Variants in QPCT observed in about 807,000 individuals in gnomAD.
QPCT encodes glutaminyl-peptide cyclotransferase.
Under a neutral mutation model 43.4 loss-of-function variants are expected in QPCT, and 44 were observed. The ratio of observed to expected loss-of-function variants is 1.01; its 90% CI spans 0.80 to 1.30. QPCT has a LOEUF of 1.30. QPCT is among the 50% of genes most tolerant of loss of function. The pLI, the probability that QPCT is intolerant of heterozygous loss-of-function variation, is 0.00. For missense variants in QPCT, 526 were observed against 436.5 expected (o/e 1.21, Z -1.83); for synonymous variants, 168 against 168.4 (o/e 1.00, Z 0.02).
At chr2:37,363,492 A>G (rs1672895401) in intron 3 of QPCT, among the ~76,000 whole-genome samples, 1 of 149,558 alleles carries the variant, frequency 6.7e-6, no homozygotes, top group African/African-American at 2.5e-5. Flanking sequence ...TTAGCTGGTT[A>G]TGGTGGTACA....
At chr2:37,349,507 A>G (rs1672575045) in intron 1 of QPCT, among the ~76,000 whole-genome samples, 1 of 152,166 alleles carries the variant, frequency 6.6e-6, no homozygotes, top group African/African-American at 2.4e-5. Context: ...TTTAAACACA[A>G]GTGATTTCGT....
At position 37,372,919 on chromosome 2, in the gene QPCT, G is replaced by C. The variant is rs1197307250; in HGVS notation, c.*92G>C. ...TAATCTGATTTCAGACAAATGCTGT[G>C]TGGAAACATCTATCCTATAGATCAT... is the stretch of plus-strand genomic sequence containing the variant. On this transcript the variant is annotated 3_prime_UTR_variant, in exon 7 of 7. Transcript: ENST00000338415. 5 of 1,139,052 alleles carry C rather than the reference G, an allele frequency of 4.4e-6. No homozygotes were observed. The East Asian group carries it at 1.3e-4, about 29-fold the overall frequency. The allele number at this position is 1,139,052 out of a possible 1,614,324, so 70.6% of individuals were successfully genotyped here.
intron 1 of QPCT, among the ~76,000 whole-genome samples, chr2:37,348,619 G>T (rs959469871): frequency 1.3e-5 from 2 of 152,136 alleles, no homozygotes; most frequent in African/African-American, 4.8e-5. Flanking sequence ...TGCAAGCTGG[G>T]CCAACTCTAT....
chr2:37,361,513 G>A (rs1193835854), intron 3 of QPCT, among the ~76,000 whole-genome samples: 1 of 152,180 alleles, frequency 6.6e-6, no homozygotes, highest in Non-Finnish European at 1.5e-5. Flanking sequence ...ACAAACAGGG[G>A]CTGGAAGTGT....
chr2:37,367,465 G>C lies in QPCT; in HGVS notation c.723+57G>C, dbSNP rs188364110. On this transcript the variant is annotated intron_variant, in intron 4 of 6. Transcript: ENST00000338415. ...CTGTAGGCTCCGCTTCCAAGGAAAA[G>C]GTTGCAAAAGCCAAGTAAAGACCTA... is the stretch of plus-strand genomic sequence containing the variant. 1.5e-4 allele frequency: 239 copies of C among 1,548,386 alleles called. 1 individual carries two copies. In the African/African-American group the frequency reaches 3.1e-3, roughly 20 times the overall value.
intron 5 of QPCT, among the ~76,000 whole-genome samples, chr2:37,370,890 A>G (rs952446699): frequency 2.0e-5 from 3 of 152,230 alleles, no homozygotes; most frequent in African/African-American, 7.2e-5. Context: ...TCTTTATTGT[A>G]GAATCCAGGC....
At chr2:37,354,910 C>T (rs1672709271) in intron 2 of QPCT, among the ~76,000 whole-genome samples, 1 of 152,082 alleles carries the variant, frequency 6.6e-6, no homozygotes, top group African/African-American at 2.4e-5. Flanking sequence ...TCTTTGCCTG[C>T]AGGCTCTGGA....
rs781473235 is a variant in QPCT at position 37,367,388 on chromosome 2, A to C, written c.703A>C (p.Thr235Pro). ...STPHPPGARG[T>P]SQLHGMDLLV... ...CCCGCACCCACCTGGAGCGAGAGGC[A>C]CCAGCCAACTGCATGGCATGGTTAG... is the stretch of plus-strand genomic sequence containing the variant. The change falls in exon 4 of 7, where the codon ACC becomes CCC. Residue 235 changes from threonine (T) to proline (P), a missense_variant. By Grantham distance (38) the Thr-to-Pro change is conservative. Transcript: ENST00000338415. The C allele has an allele frequency of 5.6e-6, 9 of 1,613,616 alleles. No homozygotes were observed. The South Asian group carries it at 8.8e-5, about 16-fold the overall frequency.
At position 37,372,814 on chromosome 2, in the gene QPCT, A is replaced by G. The variant is rs1385472674; in HGVS notation, c.1073A>G (p.Tyr358Cys). 3 of 1,609,824 alleles carry G rather than the reference A, an allele frequency of 1.9e-6. No individual in the cohort carries two copies. The highest frequency in any genetic ancestry group is 2.5e-6 in the Non-Finnish European group (3 of 1,177,722). Residue 358 changes from tyrosine (Y) to cysteine (C), a missense_variant, in exon 7 of 7, where the codon TAT (tyrosine) becomes TGT (cysteine). By Grantham distance (194) the Tyr-to-Cys change is radical. Transcript: ENST00000338415. ...ATCCTACAAGTCTTTGTGTTGGAATATCTTCATTTGTAATACTCTGATTTA... is the reference window on the plus strand; with the variant it reads ...ATCCTACAAGTCTTTGTGTTGGAATGTCTTCATTTGTAATACTCTGATTTA... ...NKILQVFVLEYLHL is the reference protein window; with the variant it reads ...NKILQVFVLECLHL
chr2:37,371,159 T>C (rs190938941), intron 5 of QPCT, among the ~76,000 whole-genome samples: 171 of 152,240 alleles, frequency 1.1e-3, no homozygotes, highest in Admixed American at 2.7e-3. Context: ...TATAAACTTC[T>C]TGGGCTTCTT....
intron 1 of QPCT, among the ~76,000 whole-genome samples, chr2:37,347,181 C>CATAT (rs1183593319): frequency 2.7e-5 from 1 of 36,784 alleles, no homozygotes; most frequent in Non-Finnish European, 4.2e-5. Flanking sequence ...ATATATATAA[C>CATAT]ATATATATAT....
At chr2:37,367,093 A>C in intron 3 of QPCT, 139 bp from the exon 4 acceptor site, 1 of 898,338 alleles carries the variant, frequency 1.1e-6, no homozygotes, top group Non-Finnish European at 1.7e-6. Flanking sequence ...TGTGGAATAA[A>C]TTTTGCCATA....
intron 1 of QPCT, among the ~76,000 whole-genome samples, chr2:37,347,152 A>ATATATATATATATATATATATATATAT (rs1672506524): frequency 1.4e-5 from 1 of 70,830 alleles, no homozygotes; most frequent in East Asian, 1.7e-3. Context: ...TTTTATATAT[A>ATATATATATATATATATATATATATAT]TATATATATA....
chr2:37,351,631 C>T (rs1672627880), intron 1 of QPCT, among the ~76,000 whole-genome samples: 1 of 152,078 alleles, frequency 6.6e-6, no homozygotes, highest in African/African-American at 2.4e-5. Flanking sequence ...CCTGTAATCC[C>T]AGCACTTTGG....
chr2:37,370,280 C>A (rs1053846116), intron 5 of QPCT, among the ~76,000 whole-genome samples: 1 of 151,942 alleles, frequency 6.6e-6, no homozygotes, highest in Admixed American at 6.6e-5. Context: ...GTTTATTATT[C>A]TTTTCATCTT....
In QPCT at chr2:37,369,755, C is replaced by G. The variant is rs747714159; in HGVS notation, c.794C>G (p.Ala265Gly). The change falls in exon 5 of 7, where the codon GCC (alanine) becomes GGC (glycine). Residue 265 changes from alanine (A) to glycine (G), a missense_variant. Ala to Gly is a moderately conservative substitution (Grantham distance 60). Transcript: ENST00000338415. ...PTFPNFFPNS[A>G]RWFERLQAIE... ...TTTCCCAATTTTTTTCCAAACTCAG[C>G]CAGGTGGTTCGAAAGACTTCAAGCA... 1 of 1,602,760 alleles carries G rather than the reference C, an allele frequency of 6.2e-7. No homozygotes were observed. The highest frequency in any genetic ancestry group is 8.5e-7 in the Non-Finnish European group (1 of 1,169,674).
intron 1 of QPCT, among the ~76,000 whole-genome samples, chr2:37,348,038 A>ATGTCTC (rs146841961): frequency 1.3e-5 from 2 of 150,520 alleles, no homozygotes; most frequent in African/African-American, 4.9e-5. Context: ...TTTTATTTCT[A>ATGTCTC]TCTCTCTCTC....
intron 2 of QPCT, among the ~76,000 whole-genome samples, chr2:37,357,900 C>T (rs1309807410): frequency 6.6e-6 from 1 of 151,916 alleles, no homozygotes; most frequent in Non-Finnish European, 1.5e-5. Flanking sequence ...AAAATAAAAG[C>T]CCTCACATTC....
At chr2:37,369,187 G>C (rs1273556192) in intron 4 of QPCT, among the ~76,000 whole-genome samples, 1 of 152,162 alleles carries the variant, frequency 6.6e-6, no homozygotes, top group Non-Finnish European at 1.5e-5. Flanking sequence ...AGGAAATGGA[G>C]ATCCAGAGAC....
Sources: gnomAD v4.1 joint callset for allele counts (sites outside exome capture counted in the v4.1 genomes callset) on GRCh38, gnomAD v4.1.1 for gene constraint, MANE v1.5 for transcripts, NCBI Gene and HGNC (gene_info 2026-07-23, HGNC 2026-07-21) for gene names.